The following UGGT2 variants were observed in gnomAD, a reference collection of about 807,000 sequenced individuals.
UGGT2 encodes UDP-glucose:glycoprotein glucosyltransferase 2.
Under a neutral mutation model 192.1 loss-of-function variants are expected in UGGT2, and 180 were observed. The observed-to-expected ratio is 0.94, with a 90% CI of 0.83 to 1.06. The LOEUF is 1.06. UGGT2 is among the 50% of genes least tolerant of loss of function. The pLI is 0.00. For missense variants in UGGT2, 1,849 were observed against 1,795.7 expected, an observed-to-expected ratio of 1.03 and a Z score of -0.54; for synonymous variants, 580 against 591.0, an observed-to-expected ratio of 0.98 and a Z score of 0.27.
chr13:95,857,804 C>G (rs781730866), intron 33 of UGGT2, among the ~76,000 whole-genome samples: 21 of 152,124 alleles, frequency 1.4e-4, no homozygotes, highest in Non-Finnish European at 1.2e-4. Context: ...TGGAACAAGA[C>G]TTTCTAATCC....
At chr13:95,832,887 C>CA in intron 38 of UGGT2, 40 bp downstream of exon 38, 1 of 1,605,062 alleles carries the variant, frequency 6.2e-7, no homozygotes, top group Non-Finnish European at 8.5e-7. Context: ...CTCATTAATG[C>CA]AACGCATGTT....
intron 5 of UGGT2, among the ~76,000 whole-genome samples, chr13:95,999,990 C>T (rs1432545995): frequency 2.0e-5 from 3 of 152,044 alleles, no homozygotes; most frequent in African/African-American, 7.2e-5. Flanking sequence ...TAGAGATTAC[C>T]TCATCAAACA....
At chr13:95,863,803 C>T in intron 30 of UGGT2, 89 bp from the exon 31 acceptor site, 1 of 1,016,560 alleles carries the variant, frequency 9.8e-7, no homozygotes, top group Non-Finnish European at 1.5e-6. Flanking sequence ...GGCGAGATTA[C>T]CCATAGAAAT....
At chr13:95,937,343 C>G (rs922127825) in intron 16 of UGGT2, among the ~76,000 whole-genome samples, 1 of 152,248 alleles carries the variant, frequency 6.6e-6, no homozygotes. Context: ...CATAGTGACT[C>G]CACTCTCGTT....
At chr13:96,052,174 G>C (rs1335238024) in intron 1 of UGGT2, among the ~76,000 whole-genome samples, 1 of 152,176 alleles carries the variant, frequency 6.6e-6, no homozygotes, top group Non-Finnish European at 1.5e-5. Flanking sequence ...ACAGCAACCT[G>C]GATGAGATTA....
intron 36 of UGGT2, among the ~76,000 whole-genome samples, chr13:95,841,846 TTTGAG>T (rs1349891339): frequency 1.3e-5 from 2 of 152,314 alleles, no homozygotes; most frequent in South Asian, 2.1e-4. Flanking sequence ...TTTGATCCAT[TTTGAG>T]TTAATTTTTA....
intron 1 of UGGT2, among the ~76,000 whole-genome samples, chr13:96,045,575 A>G (rs2053286254): frequency 6.6e-6 from 1 of 152,182 alleles, no homozygotes; most frequent in Non-Finnish European, 1.5e-5. Context: ...ACGATTATAT[A>G]CCTAGAAAAC....
chr13:95,877,688 T>A lies in UGGT2; in HGVS notation c.3387+10A>T. On this transcript the variant is annotated intron_variant, in intron 28 of 38. Transcript: ENST00000376747. ...ATCAAATTAAACACCATCAATTAAA[T>A]AATACTTACATGATGTGCCATCACT... 1 of 1,606,518 alleles carries A rather than the reference T, an allele frequency of 6.2e-7. No homozygotes were observed. Among genetic ancestry groups the A allele is most frequent in the East Asian group, 2.2e-5 (1 of 44,722 alleles).
rs2052561476 is a variant in UGGT2 at position 96,023,042 on chromosome 13, T to G, written c.483A>C (p.Ser161=). 2 of 1,577,354 alleles carry G rather than the reference T, an allele frequency of 1.3e-6. No individual in the cohort carries two copies. The highest frequency in any genetic ancestry group is 1.8e-4 in the Middle Eastern group (1 of 5,678). The part of the protein sequence containing the change: ...EIKKLLKKAA[S]RTRPYLFKGD... ...ATTATAGGCTATTATTAATTTACCT[T>G]GAAGCAGCTTTCTTCAGCAGCTTTT... is the stretch of plus-strand genomic sequence containing the variant. The change falls in exon 4 of 39, where the codon TCA becomes TCC. Residue 161 remains serine, a splice_region_variant and synonymous_variant. Coordinates refer to ENST00000376747, the MANE Select transcript of UGGT2 (RefSeq NM_020121.4).
At chr13:95,851,967 T>A (rs1008733695) in intron 36 of UGGT2, among the ~76,000 whole-genome samples, 8 of 152,190 alleles carry the variant, frequency 5.3e-5, no homozygotes, top group African/African-American at 1.9e-4. Flanking sequence ...TCTGGCATGT[T>A]ATTGAGGGTT....
intron 1 of UGGT2, among the ~76,000 whole-genome samples, chr13:96,034,236 C>T (rs1244246439): frequency 6.6e-6 from 1 of 152,090 alleles, no homozygotes; most frequent in Non-Finnish European, 1.5e-5. Flanking sequence ...CATTTCTCCT[C>T]TCAGCTGAGG....
At chr13:95,994,208 C>T (rs978968409) in intron 7 of UGGT2, among the ~76,000 whole-genome samples, 3 of 151,850 alleles carry the variant, frequency 2.0e-5, no homozygotes, top group Admixed American at 2.0e-4. Flanking sequence ...TCTAAGCACA[C>T]TAAGTCAAAT....
intron 38 of UGGT2, among the ~76,000 whole-genome samples, chr13:95,831,702 T>C (rs1886709315): frequency 6.6e-6 from 1 of 152,132 alleles, no homozygotes; most frequent in African/African-American, 2.4e-5. Context: ...ATACGTTTAC[T>C]TGTATAAAAA....
At chr13:95,827,509 T>C (rs896362236) in intron 38 of UGGT2, among the ~76,000 whole-genome samples, 3 of 152,108 alleles carry the variant, frequency 2.0e-5, no homozygotes, top group Non-Finnish European at 4.4e-5. Flanking sequence ...TCAGAAGGTA[T>C]CAACCCTGTG....
At chr13:95,861,202 T>G (rs1319980654) in intron 31 of UGGT2, among the ~76,000 whole-genome samples, 1 of 152,070 alleles carries the variant, frequency 6.6e-6, no homozygotes, top group Non-Finnish European at 1.5e-5. Context: ...CCATATCTAG[T>G]GTACTGAAAG....
Position 95,939,945 on chromosome 13 carries a change from G to A in UGGT2, c.1812+12C>T. 1.3e-6 allele frequency: 2 copies of A among 1,587,352 alleles called. No homozygotes were observed. The highest frequency in any genetic ancestry group is 8.6e-7 in the Non-Finnish European group (1 of 1,165,784). On this transcript the variant is annotated intron_variant, in intron 16 of 38. Transcript: ENST00000376747. ...CCTGGCCTACTCCACTTAACATAAT[G>A]TCCCAACTTACCTTTCTTTCTTCAT...
At chr13:95,946,180 T>TA (rs1158058062) in intron 15 of UGGT2, among the ~76,000 whole-genome samples, 1 of 152,180 alleles carries the variant, frequency 6.6e-6, no homozygotes, top group Non-Finnish European at 1.5e-5. Flanking sequence ...GAAATAATCT[T>TA]ACTATCTCTT....
At chr13:95,854,984 C>T (rs997764206) in intron 34 of UGGT2, among the ~76,000 whole-genome samples, 1 of 151,516 alleles carries the variant, frequency 6.6e-6, no homozygotes, top group African/African-American at 2.4e-5. Context: ...TATTAGTGCA[C>T]ACATTGAAAG....
chr13:96,016,705 G>C (rs1164525183), intron 4 of UGGT2, among the ~76,000 whole-genome samples: 1 of 152,216 alleles, frequency 6.6e-6, no homozygotes, highest in Non-Finnish European at 1.5e-5. Flanking sequence ...TTCTACTAGG[G>C]CAGTGCATAG....
Sources: gnomAD v4.1 joint callset for allele counts (sites outside exome capture counted in the v4.1 genomes callset) on GRCh38, gnomAD v4.1.1 for gene constraint, MANE v1.5 for transcripts, NCBI Gene and HGNC (gene_info 2026-07-23, HGNC 2026-07-21) for gene names.